The following ZDHHC17 variants were observed in gnomAD, a reference collection of about 807,000 sequenced individuals.
ZDHHC17 encodes the protein zDHHC palmitoyltransferase 17.
ZDHHC17 carries 40 observed loss-of-function variants against 90.3 expected under a neutral mutation model. The observed-to-expected ratio is 0.44, with a 90% CI of 0.34 to 0.58. The LOEUF (loss-of-function observed/expected upper bound fraction) is 0.58, where lower values mean the gene tolerates loss of function less well. Ranked by LOEUF, ZDHHC17 falls within the 20% of genes least tolerant of loss-of-function variation. The pLI, the probability that ZDHHC17 is intolerant of heterozygous loss-of-function variation, is 0.01. For synonymous variants in ZDHHC17, 235 were observed against 252.4 expected, an observed-to-expected ratio of 0.93 and a Z score of 0.65; for missense variants, 614 against 780.8, an observed-to-expected ratio of 0.79 and a Z score of 2.55.
rs1472364841 is a variant in ZDHHC17 at position 76,846,610 on chromosome 12, A to T, written c.1438A>T (p.Arg480Ter). Residue 480 changes from arginine to a stop codon, truncating the protein, a stop_gained, in exon 14 of 17, where the codon AGA becomes TGA. Coordinates refer to ENST00000426126, the MANE Select transcript of ZDHHC17 (RefSeq NM_015336.4). LOFTEE classifies it high-confidence loss of function. The stretch of plus-strand genomic sequence containing the variant: ...TCGTTCTTCAGGTGCAGGCAACCAT[A>T]GATATTTTATGGGCTACCTATTCTT... ...VGNCVGAGNH[R>*]YFMGYLFFLL... The T allele has an allele frequency of 6.2e-7, 1 of 1,612,166 alleles. No homozygotes were observed. Among genetic ancestry groups the T allele is most frequent in the Non-Finnish European group, 8.5e-7 (1 of 1,178,986 alleles).
intron 10 of ZDHHC17, among the ~76,000 whole-genome samples, chr12:76,829,042 T>A (rs1953264665): frequency 6.6e-6 from 1 of 152,144 alleles, no homozygotes; most frequent in African/African-American, 2.4e-5. Context: ...AGAATAGCTA[T>A]TTTTAAAAGG....
At chr12:76,776,854 A>AT (rs1952566155) in intron 1 of ZDHHC17, among the ~76,000 whole-genome samples, 1 of 151,986 alleles carries the variant, frequency 6.6e-6, no homozygotes, top group African/African-American at 2.4e-5. Flanking sequence ...TTGTATGAAA[A>AT]TTTTTTTTAC....
chr12:76,775,347 C>T (rs1592458349), intron 1 of ZDHHC17, among the ~76,000 whole-genome samples: 1 of 152,012 alleles, frequency 6.6e-6, no homozygotes, highest in Admixed American at 6.6e-5. Flanking sequence ...TGCTATATTT[C>T]AGTGTTCTTG....
At chr12:76,828,972 A>G (rs894016687) in intron 10 of ZDHHC17, among the ~76,000 whole-genome samples, 4 of 152,208 alleles carry the variant, frequency 2.6e-5, no homozygotes, top group African/African-American at 9.6e-5. Flanking sequence ...ACGTGAAAAA[A>G]TGTTGGACAT....
intron 9 of ZDHHC17, among the ~76,000 whole-genome samples, chr12:76,827,900 C>G (rs1451029789): frequency 1.3e-5 from 2 of 152,012 alleles, no homozygotes; most frequent in Non-Finnish European, 2.9e-5. Flanking sequence ...GTATTAAAAA[C>G]ACAACTCTTC....
intron 2 of ZDHHC17, among the ~76,000 whole-genome samples, chr12:76,798,598 C>T (rs1259898175): frequency 2.0e-5 from 3 of 151,976 alleles, no homozygotes; most frequent in Non-Finnish European, 2.9e-5. Context: ...CGTTCTCTCA[C>T]TGCTATAAAG....
intron 1 of ZDHHC17, among the ~76,000 whole-genome samples, chr12:76,776,356 G>A (rs113893093): frequency 4.6e-5 from 7 of 152,214 alleles, no homozygotes; most frequent in African/African-American, 1.7e-4. Context: ...TCATGGTGAA[G>A]TCCCACAGTT....
intron 1 of ZDHHC17, among the ~76,000 whole-genome samples, chr12:76,766,053 T>C (rs1440074372): frequency 6.6e-6 from 1 of 152,234 alleles, no homozygotes; most frequent in Non-Finnish European, 1.5e-5. Context: ...CTTTGTAATA[T>C]AGTACTGTTG....
intron 1 of ZDHHC17, among the ~76,000 whole-genome samples, chr12:76,775,459 A>G (rs992566146): frequency 6.6e-6 from 1 of 152,212 alleles, no homozygotes; most frequent in African/African-American, 2.4e-5. Flanking sequence ...AGTTTTAGCA[A>G]TACAGTAACT....
At chr12:76,850,453 G>T (rs1017442759) in intron 16 of ZDHHC17, among the ~76,000 whole-genome samples, 1 of 152,106 alleles carries the variant, frequency 6.6e-6, no homozygotes, top group Non-Finnish European at 1.5e-5. Flanking sequence ...GCATGTTGGT[G>T]CATGTCTGTA....
At chr12:76,816,131 A>C (rs1953084600) in intron 7 of ZDHHC17, 112 bp downstream of exon 7, 1 of 826,508 alleles carries the variant, frequency 1.2e-6, no homozygotes, top group Non-Finnish European at 1.7e-6. Context: ...TCTTCAATAC[A>C]GGTTTACAGT....
chr12:76,805,371 G>T lies in ZDHHC17; in HGVS notation c.252G>T (p.Arg84=). 6.2e-7 allele frequency: 1 copy of T among 1,603,404 alleles called. No individual in the cohort carries two copies. Among genetic ancestry groups the T allele is most frequent in the Non-Finnish European group, 8.5e-7 (1 of 1,173,914 alleles). Residue 84 remains arginine, a synonymous_variant, in exon 3 of 17, where the codon CGG becomes CGT. Transcript: ENST00000426126. The part of the protein sequence containing the change: ...RELVEAGYDV[R]QPDKENVTLL... ...TGGTGGAAGCAGGTTATGATGTACGGCAACCGGACAAAGAAAATGTTACCC... is the reference window on the plus strand; with the variant it reads ...TGGTGGAAGCAGGTTATGATGTACGTCAACCGGACAAAGAAAATGTTACCC...
At chr12:76,817,196 A>C (rs190533229) in intron 7 of ZDHHC17, among the ~76,000 whole-genome samples, 1 of 152,222 alleles carries the variant, frequency 6.6e-6, no homozygotes, top group Admixed American at 6.5e-5. Flanking sequence ...ATGCTCTTAA[A>C]AGTTTATAAC....
chr12:76,805,648 C>T (rs1952946793), intron 3 of ZDHHC17, among the ~76,000 whole-genome samples: 2 of 152,070 alleles, frequency 1.3e-5, no homozygotes, highest in South Asian at 4.2e-4. Flanking sequence ...GAGTACTTTT[C>T]CATATATGTT....
intron 1 of ZDHHC17, among the ~76,000 whole-genome samples, chr12:76,780,267 A>C (rs1204112034): frequency 6.6e-6 from 1 of 152,276 alleles, no homozygotes; most frequent in Non-Finnish European, 1.5e-5. Context: ...TCATTATGGC[A>C]TGCCTGCTTA....
At position 76,805,315 on chromosome 12, in the gene ZDHHC17, A is replaced by G. The variant is rs1703526304; in HGVS notation, c.198-2A>G. On this transcript the variant is annotated splice_acceptor_variant, in intron 2 of 16. Coordinates refer to ENST00000426126, the MANE Select transcript of ZDHHC17 (RefSeq NM_015336.4). LOFTEE classifies it high-confidence loss of function. The stretch of plus-strand genomic sequence containing the variant: ...CAATGCCATATTTTCTTTCTTTTCT[A>G]GATATGGAATATATGAACGCTGTCG... The G allele has an allele frequency of 1.3e-6, 2 of 1,591,804 alleles. No homozygotes were observed. Among genetic ancestry groups the G allele is most frequent in the Non-Finnish European group, 8.6e-7 (1 of 1,167,238 alleles).
At chr12:76,825,267 G>A (rs143860260) in intron 8 of ZDHHC17, among the ~76,000 whole-genome samples, 1 of 152,146 alleles carries the variant, frequency 6.6e-6, no homozygotes, top group African/African-American at 2.4e-5. Flanking sequence ...TATTACAACT[G>A]TGTGTGAATC....
chr12:76,769,388 T>C (rs553698876), intron 1 of ZDHHC17, among the ~76,000 whole-genome samples: 1 of 152,310 alleles, frequency 6.6e-6, no homozygotes, highest in East Asian at 1.9e-4. Context: ...GAAAAGAATT[T>C]TGCCATTTTC....
chr12:76,799,264 A>C lies in ZDHHC17; in HGVS notation c.197+1727A>C, dbSNP rs1000399574. Among the ~76,000 whole-genome samples the C allele has an allele frequency of 2.6e-5, 4 of 152,348 alleles. No homozygotes were observed. The East Asian group carries it at 7.7e-4, about 29-fold the overall frequency. ...ATCTGCATATTTACTTCAAGAAGAA[A>C]GCATAAAGTGGTATCTGTTATGCCA... On this transcript the variant is annotated intron_variant, in intron 2 of 16. Coordinates refer to ENST00000426126, the MANE Select transcript of ZDHHC17 (RefSeq NM_015336.4).
Sources: allele counts gnomAD v4.1 joint callset (sites outside exome capture counted in the v4.1 genomes callset), GRCh38; gene constraint gnomAD v4.1.1; transcripts MANE v1.5; gene names NCBI Gene and HGNC (gene_info 2026-07-23, HGNC 2026-07-21).